SDHC: variants seen among roughly 807,000 people sequenced by gnomAD.
The protein encoded by SDHC is succinate dehydrogenase complex subunit C.
A neutral mutation model predicts 22.6 loss-of-function variants in SDHC; 11 were observed. The ratio of observed to expected loss-of-function variants is 0.49; its 90% CI spans 0.31 to 0.81. The LOEUF is 0.81. Among genes scored for constraint, SDHC ranks in the 30% least tolerant of loss-of-function variants. SDHC has a pLI of 0.05. For missense variants in SDHC, 160 were observed against 212.0 expected (o/e 0.75, Z 1.52); for synonymous variants, 80 against 77.8 (o/e 1.03, Z -0.15).
At chr1:161,339,776 G>A (rs1325134508) in intron 3 of SDHC, among the ~76,000 whole-genome samples, 2 of 143,966 alleles carry the variant, frequency 1.4e-5, no homozygotes, top group Non-Finnish European at 1.5e-5. Context: ...CACCTCCTGG[G>A]TTCAAGCAAT....
At chr1:161,346,460 C>T (rs1173502654) in intron 4 of SDHC, among the ~76,000 whole-genome samples, 1 of 151,340 alleles carries the variant, frequency 6.6e-6, no homozygotes, top group Non-Finnish European at 1.5e-5. Flanking sequence ...AGTGCAATAG[C>T]GCGATCTCAG....
At chr1:161,339,290 C>G (rs1296429898) in intron 3 of SDHC, among the ~76,000 whole-genome samples, 1 of 152,008 alleles carries the variant, frequency 6.6e-6, no homozygotes, top group Non-Finnish European at 1.5e-5. Context: ...TCAAGCGACC[C>G]TCTCACTTCA....
Position 161,323,616 on chromosome 1 carries a change from A to G in SDHC, c.23A>G (p.His8Arg), listed in dbSNP as rs776123707. ...TTTTTGATTCTCTTATCTTGCAGAC[A>G]CGTTGGTCGTCATTGCCTCCGAGCC... MAALLLR[H>R]VGRHCLRAHF... The change falls in exon 2 of 6, where the codon CAC becomes CGC. Residue 8 changes from histidine (H) to arginine (R), a missense_variant and splice_region_variant. By Grantham distance (29) the His-to-Arg change is conservative. Transcript: ENST00000367975. 7 of 1,613,178 alleles carry G rather than the reference A, an allele frequency of 4.3e-6. No individual in the cohort carries two copies. In the South Asian group the frequency reaches 7.7e-5, roughly 18 times the overall value.
intron 1 of SDHC, among the ~76,000 whole-genome samples, chr1:161,320,013 G>A (rs1365160803): frequency 6.6e-6 from 1 of 152,128 alleles, no homozygotes; most frequent in African/African-American, 2.4e-5. Context: ...CTTTTAGGCA[G>A]GAGAATGATG....
At chr1:161,335,729 C>T (rs193270012) in intron 3 of SDHC, among the ~76,000 whole-genome samples, 355 of 152,264 alleles carry the variant, frequency 2.3e-3, no homozygotes, top group Non-Finnish European at 3.9e-3. Flanking sequence ...TAGGCCCGGT[C>T]TGTGGATAGA....
intron 4 of SDHC, among the ~76,000 whole-genome samples, chr1:161,346,958 TAAC>T (rs1671921675): frequency 1.3e-5 from 2 of 151,978 alleles, no homozygotes; most frequent in East Asian, 1.9e-4. Context: ...TATGGAATAA[TAAC>T]AAGAAAAAAA....
At chr1:161,345,451 ATTATT>A (rs1038594634) in intron 4 of SDHC, among the ~76,000 whole-genome samples, 4 of 152,012 alleles carry the variant, frequency 2.6e-5, no homozygotes, top group Non-Finnish European at 5.9e-5. Context: ...ACAAGTTGTA[ATTATT>A]TTATTTTATT....
At chr1:161,352,923 G>C (rs1041602577) in intron 4 of SDHC, among the ~76,000 whole-genome samples, 1 of 152,138 alleles carries the variant, frequency 6.6e-6, no homozygotes, top group Admixed American at 6.5e-5. Flanking sequence ...GTTGCAGTCA[G>C]CTGAGATCGT....
intron 3 of SDHC, among the ~76,000 whole-genome samples, chr1:161,340,014 C>T (rs930706146): frequency 5.3e-5 from 8 of 150,924 alleles, no homozygotes; most frequent in South Asian, 4.4e-4. Flanking sequence ...AGTGGAAACA[C>T]GGCTGGGCAC....
At chr1:161,338,842 T>G (rs1169021066) in intron 3 of SDHC, among the ~76,000 whole-genome samples, 2 of 152,010 alleles carry the variant, frequency 1.3e-5, no homozygotes, top group Non-Finnish European at 2.9e-5. Flanking sequence ...TTACAGTGAT[T>G]GCTTTCTTTC....
chr1:161,316,573 TAAC>T (rs1186885940), intron 1 of SDHC, among the ~76,000 whole-genome samples: 2 of 152,224 alleles, frequency 1.3e-5, no homozygotes, highest in South Asian at 4.1e-4. Context: ...ACGGACACCT[TAAC>T]AATCTGATCT....
intron 1 of SDHC, 22 bp downstream of exon 1, chr1:161,314,447 G>A (rs182261879): frequency 6.2e-7 from 1 of 1,613,870 alleles, no homozygotes; most frequent in Non-Finnish European, 8.5e-7. Context: ...GGGACTGGGA[G>A]TTGGTGCCTG....
At chr1:161,329,716 TTTAGG>T (rs1223195924) in intron 3 of SDHC, among the ~76,000 whole-genome samples, 3 of 152,250 alleles carry the variant, frequency 2.0e-5, no homozygotes, top group African/African-American at 7.2e-5. Flanking sequence ...CTTACCATTC[TTTAGG>T]TTAGAAGTAC....
chr1:161,341,333 C>T (rs1455503593), intron 4 of SDHC, among the ~76,000 whole-genome samples: 4 of 152,104 alleles, frequency 2.6e-5, no homozygotes, highest in African/African-American at 7.2e-5. Flanking sequence ...ATGCTCAGTC[C>T]CCCAAAGACT....
At chr1:161,350,098 C>T (rs528410927) in intron 4 of SDHC, among the ~76,000 whole-genome samples, 47 of 152,160 alleles carry the variant, frequency 3.1e-4, no homozygotes, top group African/African-American at 8.4e-4. Context: ...TTAGTAGAGA[C>T]GGGGTTTCAC....
chr1:161,318,078 A>G (rs765233471), intron 1 of SDHC, among the ~76,000 whole-genome samples: 18 of 151,944 alleles, frequency 1.2e-4, no homozygotes, highest in Non-Finnish European at 2.4e-4. Context: ...AGGCTAAGGC[A>G]GGAGAATCGT....
intron 1 of SDHC, among the ~76,000 whole-genome samples, chr1:161,320,643 A>G (rs1442981424): frequency 6.6e-6 from 1 of 152,162 alleles, no homozygotes; most frequent in Non-Finnish European, 1.5e-5. Flanking sequence ...CGGGGAGACC[A>G]GTGATAATAT....
intron 4 of SDHC, among the ~76,000 whole-genome samples, chr1:161,347,863 T>C (rs968944442): frequency 6.6e-6 from 1 of 151,686 alleles, no homozygotes; most frequent in Non-Finnish European, 1.5e-5. Context: ...ACACTCTGTC[T>C]CAAAAAATAA....
At chr1:161,347,482 C>G (rs1232431123) in intron 4 of SDHC, among the ~76,000 whole-genome samples, 4 of 151,642 alleles carry the variant, frequency 2.6e-5, no homozygotes, top group Non-Finnish European at 5.9e-5. Context: ...GTCTTGAACT[C>G]CTGACCTCGT....
Sources: gnomAD v4.1 joint callset for allele counts (sites outside exome capture counted in the v4.1 genomes callset) on GRCh38, gnomAD v4.1.1 for gene constraint, MANE v1.5 for transcripts, NCBI Gene and HGNC (gene_info 2026-07-23, HGNC 2026-07-21) for gene names.